PTPRO: variants seen among roughly 807,000 people sequenced by gnomAD.
PTPRO encodes the protein protein tyrosine phosphatase receptor type O.
In PTPRO, 62 loss-of-function variants were observed where a neutral mutation model predicts 145.2. The observed-to-expected ratio is 0.43, with a 90% CI of 0.35 to 0.53. The LOEUF is 0.53. PTPRO is among the 20% of genes least tolerant of loss of function. The pLI is 0.01. For missense variants in PTPRO, 1,345 were observed against 1,482.7 expected, an observed-to-expected ratio of 0.91 and a Z score of 1.53; for synonymous variants, 565 against 514.7, an observed-to-expected ratio of 1.10 and a Z score of -1.32.
At chr12:15,523,687 G>A (rs1050445383) in intron 10 of PTPRO, among the ~76,000 whole-genome samples, 1 of 152,174 alleles carries the variant, frequency 6.6e-6, no homozygotes, top group Non-Finnish European at 1.5e-5. Flanking sequence ...AGGCAGGAGG[G>A]ATGATTGAGC....
intron 12 of PTPRO, among the ~76,000 whole-genome samples, chr12:15,527,370 T>C (rs761032451): frequency 6.6e-6 from 1 of 152,178 alleles, no homozygotes; most frequent in Non-Finnish European, 1.5e-5. Context: ...CCCCACTATC[T>C]TGGGCTCCCT....
intron 1 of PTPRO, among the ~76,000 whole-genome samples, chr12:15,372,929 C>T (rs1365886077): frequency 1.3e-5 from 2 of 151,958 alleles, no homozygotes; most frequent in Non-Finnish European, 2.9e-5. Flanking sequence ...CTGGTGTAGG[C>T]AGGTGGACCA....
At chr12:15,350,572 G>T (rs1031523156) in intron 1 of PTPRO, among the ~76,000 whole-genome samples, 2 of 152,188 alleles carry the variant, frequency 1.3e-5, no homozygotes, top group Non-Finnish European at 2.9e-5. Context: ...GAAAATGAGA[G>T]AAGTTTAGGG....
chr12:15,516,404 A>G (rs1376104180), intron 8 of PTPRO, among the ~76,000 whole-genome samples: 1 of 150,804 alleles, frequency 6.6e-6, no homozygotes, highest in Non-Finnish European at 1.5e-5. Context: ...AGAGAGAAAG[A>G]AAGAAAGAGA....
At chr12:15,409,145 T>C (rs1482670993) in intron 1 of PTPRO, among the ~76,000 whole-genome samples, 1 of 152,146 alleles carries the variant, frequency 6.6e-6, no homozygotes, top group Non-Finnish European at 1.5e-5. Context: ...CATCGGAATC[T>C]AAGAAGAGAA....
At chr12:15,384,848 T>C (rs1170162694) in intron 1 of PTPRO, among the ~76,000 whole-genome samples, 1 of 152,180 alleles carries the variant, frequency 6.6e-6, no homozygotes, top group Non-Finnish European at 1.5e-5. Context: ...TTTTCTTGTA[T>C]AGAGTAAAAT....
chr12:15,402,909 G>T (rs1339831120), intron 1 of PTPRO, among the ~76,000 whole-genome samples: 2 of 152,106 alleles, frequency 1.3e-5, no homozygotes, highest in African/African-American at 4.8e-5. Flanking sequence ...TACTGTCACA[G>T]TCAGTACAAA....
At chr12:15,355,203 T>C (rs1937946628) in intron 1 of PTPRO, among the ~76,000 whole-genome samples, 1 of 152,202 alleles carries the variant, frequency 6.6e-6, no homozygotes, top group South Asian at 2.1e-4. Context: ...AAAGGTTGGG[T>C]TGAATATCTG....
chr12:15,497,843 C>G (rs1942139551), intron 3 of PTPRO, among the ~76,000 whole-genome samples: 1 of 152,198 alleles, frequency 6.6e-6, no homozygotes, highest in African/African-American at 2.4e-5. Flanking sequence ...GTATGACCAG[C>G]TAAATGCATA....
At chr12:15,454,340 T>C (rs1485500132) in intron 1 of PTPRO, among the ~76,000 whole-genome samples, 1 of 152,232 alleles carries the variant, frequency 6.6e-6, no homozygotes, top group East Asian at 1.9e-4. Context: ...CCATAAGGTT[T>C]TTTGGCCACG....
intron 7 of PTPRO, among the ~76,000 whole-genome samples, chr12:15,513,140 GA>G (rs1399767442): frequency 2.7e-4 from 3 of 10,944 alleles, no homozygotes; most frequent in African/African-American, 1.0e-3. Flanking sequence ...AGGAAGGAAG[GA>G]AGAAAGAAAG....
In PTPRO at chr12:15,565,642, A is replaced by C. The variant is rs748520568; in HGVS notation, c.2747+14A>C. The C allele has an allele frequency of 7.1e-7, 1 of 1,413,580 alleles. No homozygotes were observed. The highest frequency in any genetic ancestry group is 1.0e-6 in the Non-Finnish European group (1 of 1,002,820). The allele number at this position is 1,413,580 out of a possible 1,614,324, so 87.6% of individuals were successfully genotyped here. A position where few individuals can be genotyped will look rare whatever the true frequency, so the allele number is the denominator to read the frequency against. On this transcript the variant is annotated intron_variant, in intron 18 of 26. Transcript: ENST00000281171. ...GAAACTGACAAAGTAAGTTTTTCTT[A>C]CTATGTCATTTAAAAGGATGTTTGT...
intron 12 of PTPRO, among the ~76,000 whole-genome samples, chr12:15,538,887 C>G (rs1225869518): frequency 6.6e-6 from 1 of 152,190 alleles, no homozygotes; most frequent in African/African-American, 2.4e-5. Flanking sequence ...AACTCAGACC[C>G]TCTGAATTCC....
At chr12:15,398,314 T>C (rs960925077) in intron 1 of PTPRO, among the ~76,000 whole-genome samples, 1 of 152,188 alleles carries the variant, frequency 6.6e-6, no homozygotes, top group Non-Finnish European at 1.5e-5. Context: ...TGGTTTAGTG[T>C]TTTTAAATCA....
At chr12:15,361,342 G>C (rs1005360844) in intron 1 of PTPRO, among the ~76,000 whole-genome samples, 2 of 149,274 alleles carry the variant, frequency 1.3e-5, no homozygotes, top group African/African-American at 4.9e-5. Context: ...GGGAAGCTGA[G>C]ACAGGAGAAT....
At chr12:15,557,212 T>C (rs1387432849) in intron 15 of PTPRO, among the ~76,000 whole-genome samples, 1 of 152,142 alleles carries the variant, frequency 6.6e-6, no homozygotes, top group East Asian at 1.9e-4. Context: ...AGCTAATTTT[T>C]GTAGTTTTAG....
chr12:15,338,450 C>T (rs745798925), intron 1 of PTPRO, among the ~76,000 whole-genome samples: 6 of 152,074 alleles, frequency 3.9e-5, no homozygotes, highest in Non-Finnish European at 5.9e-5. Context: ...ACACAAAGAC[C>T]TCAATAAAAC....
intron 1 of PTPRO, among the ~76,000 whole-genome samples, chr12:15,433,839 A>G (rs959077665): frequency 2.6e-5 from 4 of 151,852 alleles, no homozygotes; most frequent in African/African-American, 9.7e-5. Flanking sequence ...GGCTATTCAG[A>G]CTCTTTTTTT....
At chr12:15,399,727 T>C (rs144114760) in intron 1 of PTPRO, among the ~76,000 whole-genome samples, 5 of 152,192 alleles carry the variant, frequency 3.3e-5, no homozygotes, top group African/African-American at 1.2e-4. Context: ...GTAAGAAGTG[T>C]TTCAGAAATA....
Sources: gnomAD v4.1 joint callset for allele counts (sites outside exome capture counted in the v4.1 genomes callset) on GRCh38, gnomAD v4.1.1 for gene constraint, MANE v1.5 for transcripts, NCBI Gene and HGNC (gene_info 2026-07-23, HGNC 2026-07-21) for gene names.